The following NEDD4L variants were observed in gnomAD, a reference collection of about 807,000 sequenced individuals.
NEDD4L encodes E3 ubiquitin-protein ligase NEDD4-like.
A neutral mutation model predicts 148.9 loss-of-function variants in NEDD4L; 54 were observed. The ratio of observed to expected loss-of-function variants is 0.36; its 90% confidence interval spans 0.29 to 0.45. The LOEUF (loss-of-function observed/expected upper bound fraction) is 0.45. Among genes scored for constraint, NEDD4L ranks in the 20% least tolerant of loss-of-function variants. The pLI, the probability that NEDD4L is intolerant of heterozygous loss-of-function variation, is 1.00. For synonymous variants in NEDD4L, 433 were observed against 440.7 expected (o/e 0.98, Z 0.22); for missense variants, 856 against 1,233.8 (o/e 0.69, Z 4.59).
At chr18:58,191,941 C>T (rs1259347424) in intron 2 of NEDD4L, among the ~76,000 whole-genome samples, 2 of 152,112 alleles carry the variant, frequency 1.3e-5, no homozygotes, top group Non-Finnish European at 2.9e-5. Context: ...GAGGCTGAGG[C>T]AGCTGGATTA....
At chr18:58,083,885 C>T (rs1338041708) in intron 1 of NEDD4L, among the ~76,000 whole-genome samples, 2 of 152,086 alleles carry the variant, frequency 1.3e-5, no homozygotes, top group African/African-American at 2.4e-5. Flanking sequence ...CATGTTCCAC[C>T]ATGCCTGGCT....
chr18:58,367,857 G>A lies in NEDD4L; in HGVS notation c.2175G>A (p.Lys725=). ...RVAGLAVFHG[K]LLDGFFIRPF... ...CTGGTCTGGCCGTATTTCATGGGAA[G>A]CTCTTAGATGGTAAGTCTTGAAGTA... Residue 725 remains lysine, a synonymous_variant, in exon 22 of 31, where the codon AAG becomes AAA. Transcript: ENST00000400345. The A allele has an allele frequency of 6.2e-7, 1 of 1,613,990 alleles. No homozygotes were observed. The highest frequency in any genetic ancestry group is 1.1e-5 in the South Asian group (1 of 91,066).
chr18:58,190,268 G>T (rs1257482696), intron 2 of NEDD4L, among the ~76,000 whole-genome samples: 1 of 152,106 alleles, frequency 6.6e-6, no homozygotes, highest in Non-Finnish European at 1.5e-5. Context: ...TCCAAAGAGA[G>T]TGTGTGTGTG....
At chr18:58,129,420 T>C (rs147077867) in intron 1 of NEDD4L, among the ~76,000 whole-genome samples, 1 of 152,334 alleles carries the variant, frequency 6.6e-6, no homozygotes, top group East Asian at 1.9e-4. Context: ...CACAGTGAAT[T>C]CTTATGGTCT....
intron 1 of NEDD4L, among the ~76,000 whole-genome samples, chr18:58,066,607 C>T (rs891528978): frequency 2.0e-5 from 3 of 152,038 alleles, no homozygotes; most frequent in East Asian, 1.9e-4. Context: ...CATGAGCCAT[C>T]GCGCCCGGCC....
chr18:58,162,203 T>G (rs1465443585), intron 1 of NEDD4L, among the ~76,000 whole-genome samples: 1 of 152,106 alleles, frequency 6.6e-6, no homozygotes, highest in Non-Finnish European at 1.5e-5. Flanking sequence ...GAAGCTACAT[T>G]TTATCACTCG....
intron 2 of NEDD4L, among the ~76,000 whole-genome samples, chr18:58,235,847 G>A (rs2045946948): frequency 6.6e-6 from 1 of 152,028 alleles, no homozygotes; most frequent in Non-Finnish European, 1.5e-5. Context: ...ATTATAAAAA[G>A]GATAAAATAT....
At chr18:58,283,739 C>T (rs2053511456) in intron 5 of NEDD4L, among the ~76,000 whole-genome samples, 1 of 152,120 alleles carries the variant, frequency 6.6e-6, no homozygotes, top group Non-Finnish European at 1.5e-5. Context: ...CTCATTGCTA[C>T]AGGTTGAATT....
chr18:58,082,354 C>T (rs1161651873), intron 1 of NEDD4L, among the ~76,000 whole-genome samples: 3 of 149,486 alleles, frequency 2.0e-5, no homozygotes, highest in African/African-American at 7.4e-5. Context: ...GATCCACCCG[C>T]CTCTGCCTCC....
chr18:58,329,597 C>T (rs2059624396), intron 10 of NEDD4L, among the ~76,000 whole-genome samples: 1 of 151,836 alleles, frequency 6.6e-6, no homozygotes, highest in African/African-American at 2.4e-5. Context: ...CCTCGAGATC[C>T]GCCTGCTGCC....
chr18:58,048,696 A>C (rs1428877606), intron 1 of NEDD4L, among the ~76,000 whole-genome samples: 1 of 152,190 alleles, frequency 6.6e-6, no homozygotes, highest in Non-Finnish European at 1.5e-5. Context: ...ACCCTGCTTA[A>C]TGTGGTCTCT....
chr18:58,357,607 T>C, intron 19 of NEDD4L: 1 of 433,354 alleles, frequency 2.3e-6, no homozygotes, highest in Non-Finnish European at 4.4e-6. Flanking sequence ...ATCATTTCTT[T>C]AGGCCAGGAG....
At chr18:58,156,810 A>G (rs1344246389) in intron 1 of NEDD4L, among the ~76,000 whole-genome samples, 1 of 152,084 alleles carries the variant, frequency 6.6e-6, no homozygotes, top group African/African-American at 2.4e-5. Context: ...ATAACGGAAA[A>G]TGGCTTGACT....
intron 5 of NEDD4L, among the ~76,000 whole-genome samples, chr18:58,258,537 T>C (rs901084838): frequency 2.0e-5 from 3 of 152,230 alleles, no homozygotes; most frequent in African/African-American, 4.8e-5. Context: ...CTAAAACTTA[T>C]GTGTACCTTG....
Position 58,366,223 on chromosome 18 carries a change from T to C in NEDD4L, c.2058T>C (p.Ser686=), listed in dbSNP as rs2046086139. 6.3e-7 allele frequency: 1 copy of C among 1,599,318 alleles called. No individual in the cohort carries two copies. The highest frequency in any genetic ancestry group is 8.5e-7 in the Non-Finnish European group (1 of 1,171,298). ...FNPYYGLFEY[S]ATDNYTLQIN... ...CCTACTACGGCCTCTTTGAGTACTC[T>C]GCCACGTAAGTATATGGCCACACCC... Residue 686 remains serine (S), a synonymous_variant, in exon 21 of 31, where the codon TCT becomes TCC. Coordinates refer to ENST00000400345, the MANE Select transcript of NEDD4L (RefSeq NM_001144967.3). This position sits in a 1 kb window ranked among gnomAD's most constrained non-coding sequence, Gnocchi z 4.2.
chr18:58,207,672 C>T (rs150349339), intron 2 of NEDD4L, among the ~76,000 whole-genome samples: 4 of 152,316 alleles, frequency 2.6e-5, no homozygotes, highest in African/African-American at 9.6e-5. Flanking sequence ...GTTTGGGGTA[C>T]AGCTGCACCC....
At chr18:58,218,064 T>C (rs899199197) in intron 2 of NEDD4L, among the ~76,000 whole-genome samples, 1 of 152,244 alleles carries the variant, frequency 6.6e-6, no homozygotes, top group East Asian at 1.9e-4. Flanking sequence ...ATCTTTGGAA[T>C]ACTATGAAAT....
intron 2 of NEDD4L, among the ~76,000 whole-genome samples, chr18:58,221,287 A>C (rs1032677176): frequency 6.6e-6 from 1 of 152,114 alleles, no homozygotes; most frequent in Non-Finnish European, 1.5e-5. Context: ...GCCCCGCCAG[A>C]CATAGAGTCA....
chr18:58,175,314 C>T (rs756737913), intron 2 of NEDD4L, among the ~76,000 whole-genome samples: 1 of 145,540 alleles, frequency 6.9e-6, no homozygotes, highest in African/African-American at 2.7e-5. Flanking sequence ...GGACCGTACA[C>T]CTCCTGTTGT....
Sources: gnomAD v4.1 joint callset for allele counts (sites outside exome capture counted in the v4.1 genomes callset) on GRCh38, gnomAD v4.1.1 for gene constraint, Gnocchi (gnomAD v3.1) non-coding constraint, MANE v1.5 for transcripts, NCBI Gene and HGNC (gene_info 2026-07-23, HGNC 2026-07-21) for gene names.